Variants in TMEM181 observed in about 807,000 individuals in gnomAD.
TMEM181 encodes G protein-coupled receptor 178.
TMEM181 carries 39 observed loss-of-function variants against 71.9 expected under a neutral mutation model. The observed-to-expected ratio is 0.54, with a 90% confidence interval of 0.42 to 0.71. TMEM181 has a LOEUF of 0.71. Ranked by LOEUF, TMEM181 falls within the 30% of genes least tolerant of loss-of-function variation. The probability of loss-of-function intolerance (pLI) is 0.00; values close to 1 mark genes in which losing one functional copy is unlikely to be tolerated. For missense variants in TMEM181, 595 were observed against 583.0 expected (o/e 1.02, Z -0.21); for synonymous variants, 245 against 228.8 (o/e 1.07, Z -0.64).
At chr6:158,554,947 T>C (rs576645383) in intron 1 of TMEM181, among the ~76,000 whole-genome samples, 82 of 152,356 alleles carry the variant, frequency 5.4e-4, no homozygotes, top group Admixed American at 1.2e-3. Context: ...ACAAAGCAGT[T>C]TGGTTTTTAA....
chr6:158,565,167 C>T (rs1309185237), intron 1 of TMEM181, among the ~76,000 whole-genome samples: 1 of 152,228 alleles, frequency 6.6e-6, no homozygotes, highest in African/African-American at 2.4e-5. Context: ...TTCTCACGAC[C>T]TCTGCTTACC....
chr6:158,606,099 T>C (rs1562303510), intron 7 of TMEM181, among the ~76,000 whole-genome samples: 1 of 151,834 alleles, frequency 6.6e-6, no homozygotes, highest in African/African-American at 2.4e-5. Flanking sequence ...CGTGCACATG[T>C]GAGGGGGTGC....
intron 2 of TMEM181, among the ~76,000 whole-genome samples, chr6:158,579,712 G>T (rs571174212): frequency 1.3e-5 from 2 of 151,982 alleles, no homozygotes; most frequent in African/African-American, 4.8e-5. Context: ...AGAGTGAAAC[G>T]CTGTCTCAAA....
chr6:158,623,471 A>G, intron 10 of TMEM181, 79 bp from the exon 11 acceptor site: 3 of 1,060,160 alleles, frequency 2.8e-6, no homozygotes, highest in South Asian at 1.8e-5. Context: ...AAAAAAAACA[A>G]AAAGTCAATA....
chr6:158,589,897 A>C, intron 6 of TMEM181, 115 bp downstream of exon 6: 1 of 765,858 alleles, frequency 1.3e-6, no homozygotes, highest in Non-Finnish European at 2.1e-6. Flanking sequence ...ACAGTGGAGG[A>C]CTTGTAAAGT....
In TMEM181 at chr6:158,604,822, AT is replaced by A. The variant is rs557014080; in HGVS notation, c.493-442del. On this transcript the variant is annotated intron_variant, in intron 6 of 16. Transcript: ENST00000684151. ...CGAATGCTTTTATGATTATAAAATA[AT>A]TTGTCGGATTTATCCATGTAACAAC... Among the ~76,000 whole-genome samples the A allele has an allele frequency of 2.0e-4, 31 of 152,302 alleles. No individual in the cohort carries two copies. In the South Asian group the frequency reaches 6.4e-3, roughly 32 times the overall value.
chr6:158,616,602 TATG>T (rs1454414743), intron 10 of TMEM181, among the ~76,000 whole-genome samples: 1 of 152,240 alleles, frequency 6.6e-6, no homozygotes, highest in African/African-American at 2.4e-5. Context: ...GCCCATTCAG[TATG>T]ATATTGGCTG....
At chr6:158,600,350 A>T (rs1429296449) in intron 6 of TMEM181, among the ~76,000 whole-genome samples, 1 of 151,090 alleles carries the variant, frequency 6.6e-6, no homozygotes, top group Admixed American at 6.6e-5. Flanking sequence ...GGGTTTCTCC[A>T]TGTTGGTCAG....
upstream of TMEM181, among the ~76,000 whole-genome samples, chr6:158,559,898 C>T (rs903739508): frequency 2.6e-5 from 4 of 152,238 alleles, no homozygotes; most frequent in Non-Finnish European, 4.4e-5. Flanking sequence ...TTCATTCACT[C>T]ATTCCTTCTG....
chr6:158,617,836 T>G (rs2128324180), intron 10 of TMEM181, among the ~76,000 whole-genome samples: 1 of 152,384 alleles, frequency 6.6e-6, no homozygotes, highest in Admixed American at 6.5e-5. Context: ...CACTGTGGTC[T>G]GAGAGACAGT....
At chr6:158,560,007 C>T (rs1223603105), upstream of TMEM181, 2 of 977,984 alleles carry the variant, frequency 2.0e-6, no homozygotes, top group Non-Finnish European at 2.4e-6. Flanking sequence ...CGCCGCGCGC[C>T]CGCGGCCCCG....
chr6:158,606,292 C>CGG (rs1562303723), intron 7 of TMEM181, among the ~76,000 whole-genome samples: 23 of 149,882 alleles, frequency 1.5e-4, no homozygotes, highest in African/African-American at 2.7e-4. Flanking sequence ...GCTAGAGCCA[C>CGG]AGGGAGCTGC....
At chr6:158,544,048 T>C (rs1464657073) in intron 1 of TMEM181, among the ~76,000 whole-genome samples, 1 of 152,078 alleles carries the variant, frequency 6.6e-6, no homozygotes. Flanking sequence ...CCCTCCTGGC[T>C]CTAAAACGGA....
chr6:158,563,777 G>C (rs1160828398), intron 1 of TMEM181, among the ~76,000 whole-genome samples: 1 of 152,212 alleles, frequency 6.6e-6, no homozygotes, highest in Admixed American at 6.5e-5. Flanking sequence ...GTTTTGAGGT[G>C]GTTAGGCCTT....
chr6:158,594,365 C>A (rs1238913934), intron 6 of TMEM181, among the ~76,000 whole-genome samples: 2 of 152,098 alleles, frequency 1.3e-5, no homozygotes, highest in Admixed American at 6.6e-5. Flanking sequence ...TCCGAAAGTG[C>A]TGGGATTACA....
At chr6:158,548,449 T>C (rs1431091901) in intron 1 of TMEM181, among the ~76,000 whole-genome samples, 1 of 152,196 alleles carries the variant, frequency 6.6e-6, no homozygotes, top group African/African-American at 2.4e-5. Context: ...GATCCTGGTT[T>C]GTCTGGGACT....
chr6:158,543,213 T>C (rs1057476043), intron 1 of TMEM181, among the ~76,000 whole-genome samples: 1 of 152,080 alleles, frequency 6.6e-6, no homozygotes, highest in African/African-American at 2.4e-5. Context: ...CGCTCTGAAT[T>C]GAGAGGAAAA....
At chr6:158,586,625 CA>C (rs1317734154) in intron 5 of TMEM181, among the ~76,000 whole-genome samples, 2 of 149,854 alleles carry the variant, frequency 1.3e-5, no homozygotes, top group Non-Finnish European at 1.5e-5. Context: ...ACTAGTGATA[CA>C]TATACTGGCA....
At chr6:158,545,104 C>G (rs1781483868) in intron 1 of TMEM181, among the ~76,000 whole-genome samples, 1 of 152,224 alleles carries the variant, frequency 6.6e-6, no homozygotes, top group Non-Finnish European at 1.5e-5. Flanking sequence ...CCCCGTTCCC[C>G]TGCGGCTTGC....
Sources: allele counts gnomAD v4.1 joint callset (sites outside exome capture counted in the v4.1 genomes callset), GRCh38; gene constraint gnomAD v4.1.1; transcripts MANE v1.5; gene names NCBI Gene and HGNC (gene_info 2026-07-23, HGNC 2026-07-21).